The following DCC variants were observed in gnomAD, a reference collection of about 807,000 sequenced individuals.
DCC encodes DCC netrin 1 receptor.
Under a neutral mutation model 172.5 loss-of-function variants are expected in DCC, and 58 were observed. The ratio of observed to expected loss-of-function variants is 0.34; its 90% CI spans 0.27 to 0.42. DCC has a LOEUF of 0.42. DCC is among the 10% of genes least tolerant of loss of function. DCC has a pLI of 1.00. For missense variants in DCC, 1,740 were observed against 1,791.0 expected (o/e 0.97, Z 0.51); for synonymous variants, 709 against 644.5 (o/e 1.10, Z -1.52).
At chr18:53,238,541 T>G (rs1309861723) in intron 12 of DCC, among the ~76,000 whole-genome samples, 4 of 152,112 alleles carry the variant, frequency 2.6e-5, no homozygotes, top group Admixed American at 2.6e-4. Flanking sequence ...CCCTTTTTCT[T>G]ATAAGCTTTT....
chr18:52,378,132 TTAAC>T (rs1309891230), intron 1 of DCC, among the ~76,000 whole-genome samples: 2 of 152,078 alleles, frequency 1.3e-5, no homozygotes, highest in African/African-American at 4.8e-5. Flanking sequence ...AAGGAATAGA[TTAAC>T]TAGGGACTCC....
chr18:52,957,246 T>C (rs139272032), intron 5 of DCC, among the ~76,000 whole-genome samples: 2,060 of 152,248 alleles, frequency 0.014, 60 homozygotes, highest in African/African-American at 0.048. Context: ...GCCATTAGTT[T>C]ATATATTCAT....
intron 12 of DCC, among the ~76,000 whole-genome samples, chr18:53,223,237 T>G (rs904109763): frequency 6.6e-6 from 1 of 152,134 alleles, no homozygotes; most frequent in African/African-American, 2.4e-5. Flanking sequence ...TTTTCTGTTG[T>G]GTTTTGAGAA....
At chr18:52,963,069 C>T (rs774029304) in intron 5 of DCC, among the ~76,000 whole-genome samples, 1,916 of 150,996 alleles carry the variant, frequency 0.013, 54 homozygotes, top group African/African-American at 0.043. Flanking sequence ...ACCTGCACAT[C>T]GTGCACTTGT....
chr18:52,911,035 C>T (rs1204836908), intron 3 of DCC, among the ~76,000 whole-genome samples: 1 of 152,036 alleles, frequency 6.6e-6, no homozygotes, highest in Admixed American at 6.6e-5. Context: ...CTCAATGGCA[C>T]ATTAAACTTT....
rs543199390 is a variant in DCC, at chr18:52,593,796, C to T, written c.92-158258C>T. 2.0e-3 allele frequency among the ~76,000 whole-genome samples: 300 copies of T among 152,310 alleles called. 5 individuals are homozygous for T. The highest frequency in any genetic ancestry group is 7.1e-3 in the African/African-American group (295 of 41,560). ...CTCCTTTCCCATTTTGACAGCTGAA[C>T]ATGCATCTAGACATTGGCAATTGTC... is the stretch of plus-strand genomic sequence containing the variant. On this transcript the variant is annotated intron_variant, in intron 1 of 28. Transcript: ENST00000442544.
rs540436162 is a variant in DCC, at chr18:52,415,611, G to A, written c.91+74733G>A. Among the ~76,000 whole-genome samples the A allele has an allele frequency of 4.6e-5, 7 of 152,260 alleles. No individual in the cohort carries two copies. The East Asian group carries it at 1.4e-3, about 29-fold the overall frequency. ...GTGCATAAGGCTGAGAGAGCACAGA[G>A]GGAGAGAATTGCGAGAGTATGGAGA... is the stretch of plus-strand genomic sequence containing the variant. On this transcript the variant is annotated intron_variant, in intron 1 of 28. Coordinates refer to ENST00000442544, the MANE Select transcript of DCC (RefSeq NM_005215.4).
At chr18:53,286,496 C>G (rs1252016159) in intron 12 of DCC, among the ~76,000 whole-genome samples, 1 of 152,154 alleles carries the variant, frequency 6.6e-6, no homozygotes, top group Admixed American at 6.6e-5. Context: ...CAATAAACCT[C>G]TTTCTTTTGT....
chr18:53,396,016 G>A (rs367972551), intron 17 of DCC, among the ~76,000 whole-genome samples: 73 of 152,068 alleles, frequency 4.8e-4, no homozygotes, highest in East Asian at 2.9e-3. Flanking sequence ...GCAAATCACC[G>A]AAATGTTATT....
At position 52,861,921 on chromosome 18, in the gene DCC, T is replaced by G. The variant is rs1419822355; in HGVS notation, c.413-44123T>G. Among the ~76,000 whole-genome samples, 4 of 152,006 alleles carry G rather than the reference T, an allele frequency of 2.6e-5. No homozygotes were observed. The East Asian group carries it at 7.7e-4, about 29-fold the overall frequency. ...ATTGTAAATGGAATTTTGAGAAAAA[T>G]TAAAGCAATAATTTTCTGTGAATGA... On this transcript the variant is annotated intron_variant, in intron 2 of 28. Transcript: ENST00000442544.
At chr18:53,437,617 A>G (rs1207605671) in intron 22 of DCC, among the ~76,000 whole-genome samples, 1 of 149,294 alleles carries the variant, frequency 6.7e-6, no homozygotes, top group Non-Finnish European at 1.5e-5. Flanking sequence ...AAAAGCTCAC[A>G]GAAGGTGAGA....
chr18:52,656,918 G>A (rs943838321), intron 1 of DCC, among the ~76,000 whole-genome samples: 8 of 151,962 alleles, frequency 5.3e-5, no homozygotes, highest in South Asian at 4.2e-4. Context: ...CAGAAATGTC[G>A]CCTTCAGATC....
chr18:53,072,548 T>G (rs1366452823), intron 7 of DCC, among the ~76,000 whole-genome samples: 3 of 152,174 alleles, frequency 2.0e-5, no homozygotes. Context: ...GAACTGGGAA[T>G]GCACCTACGA....
chr18:53,215,210 C>T (rs2055827737), intron 11 of DCC, among the ~76,000 whole-genome samples: 1 of 152,044 alleles, frequency 6.6e-6, no homozygotes, highest in African/African-American at 2.4e-5. Flanking sequence ...TGTAAGAAAT[C>T]TCCTGTGTGT....
At chr18:53,321,220 T>A (rs2057408417) in intron 13 of DCC, among the ~76,000 whole-genome samples, 1 of 152,184 alleles carries the variant, frequency 6.6e-6, no homozygotes, top group African/African-American at 2.4e-5. Context: ...ATTTTTATCT[T>A]TATCAGCGTT....
At chr18:52,958,826 C>T (rs1475116135) in intron 5 of DCC, among the ~76,000 whole-genome samples, 1 of 152,056 alleles carries the variant, frequency 6.6e-6, no homozygotes, top group Non-Finnish European at 1.5e-5. Flanking sequence ...CTTGAAGTGG[C>T]TCAAGGAAGC....
chr18:52,890,066 T>A (rs976394533), intron 2 of DCC, among the ~76,000 whole-genome samples: 1 of 152,110 alleles, frequency 6.6e-6, no homozygotes, highest in African/African-American at 2.4e-5. Context: ...TAGCTGCTGA[T>A]TTCCAAATGA....
At chr18:53,046,118 A>T (rs1430221038) in intron 5 of DCC, among the ~76,000 whole-genome samples, 3 of 151,958 alleles carry the variant, frequency 2.0e-5, no homozygotes, top group Non-Finnish European at 1.5e-5. Context: ...TGAAAAGACA[A>T]ATAGAGTCTC....
intron 1 of DCC, among the ~76,000 whole-genome samples, chr18:52,405,639 G>GAGA (rs2144388518): frequency 6.6e-6 from 1 of 151,058 alleles, no homozygotes; most frequent in African/African-American, 2.4e-5. Flanking sequence ...TCTTCAAGGA[G>GAGA]AACTACAAAC....
Sources: allele counts gnomAD v4.1 joint callset (sites outside exome capture counted in the v4.1 genomes callset), GRCh38; gene constraint gnomAD v4.1.1; transcripts MANE v1.5; gene names NCBI Gene and HGNC (gene_info 2026-07-23, HGNC 2026-07-21).